COG6: variants seen among roughly 807,000 people sequenced by gnomAD.
COG6 encodes the protein component of oligomeric golgi complex 6.
In COG6, 74 loss-of-function variants were observed where a neutral mutation model predicts 88.8. That is an observed-to-expected ratio of 0.83 (90% CI 0.69 to 1.01). The LOEUF is 1.01. Ranked by LOEUF, COG6 falls within the 50% of genes least tolerant of loss-of-function variation. COG6 has a pLI of 0.00. For missense variants in COG6, 800 were observed against 797.9 expected (o/e 1.00, Z -0.03); for synonymous variants, 286 against 278.7 (o/e 1.03, Z -0.26).
chr13:39,695,397 C>T (rs1877220546), intron 12 of COG6, among the ~76,000 whole-genome samples: 1 of 151,758 alleles, frequency 6.6e-6, no homozygotes, highest in Admixed American at 6.6e-5. Flanking sequence ...ATAACTCTCA[C>T]TGTAAGACTG....
chr13:39,666,852 A>G (rs983402315), intron 4 of COG6, among the ~76,000 whole-genome samples: 2 of 152,256 alleles, frequency 1.3e-5, no homozygotes, highest in African/African-American at 4.8e-5. Context: ...ATGTACCAAT[A>G]TCATCTAAAA....
chr13:39,718,197 G>GT (rs1566193676), intron 13 of COG6, among the ~76,000 whole-genome samples: 1 of 151,922 alleles, frequency 6.6e-6, no homozygotes, highest in African/African-American at 2.4e-5. Context: ...TGTTCTTGTT[G>GT]TTTTTATGAA....
intron 3 of COG6, among the ~76,000 whole-genome samples, chr13:39,664,880 CT>C (rs1875147368): frequency 6.6e-6 from 1 of 152,022 alleles, no homozygotes; most frequent in Admixed American, 6.5e-5. Context: ...CTTTTTCTTT[CT>C]TGTAAGCCTT....
chr13:39,701,551 G>T (rs1442806902), intron 13 of COG6, among the ~76,000 whole-genome samples: 2 of 151,848 alleles, frequency 1.3e-5, no homozygotes, highest in Non-Finnish European at 2.9e-5. Flanking sequence ...GGCCAGAGAG[G>T]CAGGACAAAA....
intron 18 of COG6, among the ~76,000 whole-genome samples, chr13:39,746,174 T>C (rs528474998): frequency 6.6e-6 from 1 of 151,838 alleles, no homozygotes; most frequent in South Asian, 2.1e-4. Context: ...ATGGCACGTG[T>C]ATACCTATGT....
chr13:39,713,263 T>A (rs76291221), intron 13 of COG6, among the ~76,000 whole-genome samples: 9,358 of 152,314 alleles, frequency 0.061, 386 homozygotes, highest in Non-Finnish European at 0.094. Flanking sequence ...TGTTTGTTTC[T>A]AATGGTTGCT....
chr13:39,724,010 TAAGA>T (rs1420752133), intron 16 of COG6, among the ~76,000 whole-genome samples: 1 of 151,988 alleles, frequency 6.6e-6, no homozygotes, highest in East Asian at 1.9e-4. Context: ...CCATCTTTCT[TAAGA>T]AAGCAAAGAA....
At chr13:39,663,401 C>CT (rs1319627457) in intron 3 of COG6, among the ~76,000 whole-genome samples, 3 of 151,972 alleles carry the variant, frequency 2.0e-5, no homozygotes, top group African/African-American at 4.8e-5. Context: ...GTGAAGCATT[C>CT]TTTTTTTCAG....
intron 18 of COG6, among the ~76,000 whole-genome samples, chr13:39,747,329 G>A (rs1251837014): frequency 6.6e-6 from 1 of 152,144 alleles, no homozygotes; most frequent in Non-Finnish European, 1.5e-5. Flanking sequence ...ATTTAAGTTT[G>A]ACTCAGACTC....
At chr13:39,661,497 A>G (rs1053205673) in intron 3 of COG6, among the ~76,000 whole-genome samples, 3 of 152,156 alleles carry the variant, frequency 2.0e-5, no homozygotes, top group Admixed American at 1.3e-4. Flanking sequence ...TGACATCAAC[A>G]GTGATTCTAG....
rs111932438 is a variant in COG6, at chr13:39,688,528, A to G, written c.1009+729A>G. Among the ~76,000 whole-genome samples, 864 of 152,164 alleles carry G rather than the reference A, an allele frequency of 5.7e-3. 7 individuals are homozygous for G. Among genetic ancestry groups the G allele is most frequent in the Middle Eastern group, 0.014 (4 of 294 alleles). ...AGATGGGGAGGTGCCACACACTTTT[A>G]AGCAACGCTGACTATTGTGAGGACA... On this transcript the variant is annotated intron_variant, in intron 10 of 18. Transcript: ENST00000455146.
intron 18 of COG6, among the ~76,000 whole-genome samples, chr13:39,728,095 A>G (rs541201223): frequency 2.0e-5 from 3 of 152,096 alleles, no homozygotes; most frequent in South Asian, 4.2e-4. Context: ...AAAATTGTCT[A>G]TAGGTAAGAA....
chr13:39,756,908 C>G (rs3012151), downstream of COG6, among the ~76,000 whole-genome samples: 1 of 151,866 alleles, frequency 6.6e-6, no homozygotes, highest in African/African-American at 2.4e-5. Context: ...AATGAAAGGA[C>G]GCTAGACAAA....
Position 39,751,697 on chromosome 13 carries a change from T to C in COG6, c.*604T>C, listed in dbSNP as rs768833481. 8 of 1,286,860 alleles carry C rather than the reference T, an allele frequency of 6.2e-6. No individual in the cohort carries two copies. In the South Asian group the frequency reaches 9.9e-5, roughly 16 times the overall value. 79.7% of individuals were successfully genotyped at this position (1,286,860 alleles called of 1,614,324 possible). A position where few individuals can be genotyped will look rare whatever the true frequency, so the allele number is the denominator to read the frequency against. On this transcript the variant is annotated 3_prime_UTR_variant, in exon 19 of 19. Transcript: ENST00000455146. Reference sequence around the variant, plus strand: ...CTTTAGCATACTATATATATTTGACTGTGTACATTCTTATGCAATTTTAAG... The same window carrying C: ...CTTTAGCATACTATATATATTTGACCGTGTACATTCTTATGCAATTTTAAG...
In COG6 at chr13:39,719,804, C is replaced by T. The variant is rs140180547; in HGVS notation, c.1561C>T (p.Arg521Cys). Residue 521 changes from arginine (R) to cysteine (C), a missense_variant, in exon 15 of 19, where the codon CGT becomes TGT. Physicochemically the swap from Arg to Cys is radical, Grantham distance 180. Coordinates refer to ENST00000455146, the MANE Select transcript of COG6 (RefSeq NM_020751.3). ...TLALFEFTDR[R>C]LEMLQFQIEA... ...AGCTCTATTTGAATTCACTGACAGA[C>T]GTCTGGAAATGCTACAGTTTCAGGT... 61 of 1,611,696 alleles carry T rather than the reference C, an allele frequency of 3.8e-5. No homozygotes were observed. The highest frequency in any genetic ancestry group is 5.0e-5 in the Admixed American group (3 of 59,830).
chr13:39,687,714 A>G lies in COG6; in HGVS notation c.924A>G (p.Val308=), dbSNP rs747993730. 27 of 1,613,926 alleles carry G rather than the reference A, an allele frequency of 1.7e-5. No homozygotes were observed. In the African/African-American group the frequency reaches 2.9e-4, roughly 18 times the overall value. ...EMHSHDPLRY[V]GDMLAWLHQA... is the part of the protein sequence containing the mutation. ...AACATTTAGTTTTCATTAGGTATGT[A>G]GGAGATATGTTGGCTTGGCTCCATC... Residue 308 remains valine (V), a synonymous_variant, in exon 10 of 19, where the codon GTA becomes GTG. Coordinates refer to ENST00000455146, the MANE Select transcript of COG6 (RefSeq NM_020751.3).
intron 10 of COG6, among the ~76,000 whole-genome samples, chr13:39,688,364 T>C (rs903359565): frequency 5.3e-5 from 8 of 152,204 alleles, no homozygotes; most frequent in Non-Finnish European, 1.2e-4. Flanking sequence ...CTCACGGTTC[T>C]GCAGGCAGTA....
At chr13:39,715,271 C>CTCTCTA (rs1555279500) in intron 13 of COG6, among the ~76,000 whole-genome samples, 25 of 49,680 alleles carry the variant, frequency 5.0e-4, no homozygotes, top group Middle Eastern at 0.016. Flanking sequence ...CTCTCTCTCT[C>CTCTCTA]TATACACACA....
At chr13:39,789,416 C>A (rs1031673169) in exon 19 of COG6, 1 of 152,186 alleles carries the variant, frequency 6.6e-6, no homozygotes, top group East Asian at 1.9e-4. Flanking sequence ...CAATATGTCA[C>A]TACGTTCAAT....
Sources: gnomAD v4.1 joint callset for allele counts (sites outside exome capture counted in the v4.1 genomes callset) on GRCh38, gnomAD v4.1.1 for gene constraint, MANE v1.5 for transcripts, NCBI Gene and HGNC (gene_info 2026-07-23, HGNC 2026-07-21) for gene names.